CTDP1: variants seen among roughly 807,000 people sequenced by gnomAD.
CTDP1 encodes the protein RNA polymerase II subunit A C-terminal domain phosphatase.
CTDP1 carries 47 observed loss-of-function variants against 91.8 expected under a neutral mutation model. The ratio of observed to expected loss-of-function variants is 0.51; its 90% CI spans 0.41 to 0.65. The LOEUF (loss-of-function observed/expected upper bound fraction) is 0.65. CTDP1 is among the 30% of genes least tolerant of loss of function. The pLI is 0.00. For missense variants in CTDP1, 1,272 were observed against 1,373.7 expected, an observed-to-expected ratio of 0.93 and a Z score of 1.17; for synonymous variants, 656 against 598.5, an observed-to-expected ratio of 1.10 and a Z score of -1.40.
At chr18:79,697,772 T>G in intron 3 of CTDP1, 88 bp from the exon 4 acceptor site, 1 of 1,570,230 alleles carries the variant, frequency 6.4e-7, no homozygotes, top group Non-Finnish European at 8.7e-7. Context: ...AACACATTGA[T>G]ATAGTTTTGT....
intron 1 of CTDP1, among the ~76,000 whole-genome samples, chr18:79,686,122 GT>G (rs1310604640): frequency 6.6e-6 from 1 of 152,126 alleles, no homozygotes; most frequent in African/African-American, 2.4e-5. Context: ...TTTGTCATGG[GT>G]TTTTAGGTAT....
intron 12 of CTDP1, 126 bp from the exon 13 acceptor site, chr18:79,753,526 C>A: frequency 6.8e-7 from 1 of 1,480,690 alleles, no homozygotes; most frequent in Non-Finnish European, 9.3e-7. Flanking sequence ...TGTGTGTGTC[C>A]TTGACCAGAG....
intron 4 of CTDP1, among the ~76,000 whole-genome samples, chr18:79,700,613 T>G (rs1368243299): frequency 6.6e-6 from 1 of 152,198 alleles, no homozygotes; most frequent in African/African-American, 2.4e-5. Context: ...AGAAGCCGTC[T>G]CCGTAACACA....
chr18:79,702,002 T>C (rs981688404), intron 4 of CTDP1, among the ~76,000 whole-genome samples: 9 of 152,242 alleles, frequency 5.9e-5, no homozygotes, highest in African/African-American at 2.2e-4. Flanking sequence ...GAGAAGATGC[T>C]GCGAATGTTG....
chr18:79,681,667 G>C (rs1369477815), intron 1 of CTDP1: 1 of 170,440 alleles, frequency 5.9e-6, no homozygotes, highest in Non-Finnish European at 1.2e-5. Context: ...TTTACAGGGA[G>C]GTGCTGTTTG....
At chr18:79,741,964 C>G in intron 12 of CTDP1, among the ~76,000 whole-genome samples, 1 of 152,192 alleles carries the variant, frequency 6.6e-6, no homozygotes, top group East Asian at 1.9e-4. Flanking sequence ...ATCCCAGAAG[C>G]ACAACAAACT....
intron 1 of CTDP1, among the ~76,000 whole-genome samples, chr18:79,694,371 A>T (rs56116365): frequency 2.3e-5 from 2 of 85,176 alleles, no homozygotes; most frequent in Admixed American, 1.3e-4. Context: ...GCTCCTAGGG[A>T]CACTGAGTGC....
intron 8 of CTDP1, among the ~76,000 whole-genome samples, chr18:79,717,037 TA>T (rs2086224765): frequency 6.9e-6 from 1 of 144,260 alleles, no homozygotes; most frequent in African/African-American, 2.6e-5. Context: ...TACAGCTGGG[TA>T]AAGGCCCTGA....
chr18:79,710,276 G>T, intron 5 of CTDP1, 70 bp from the exon 6 acceptor site: 2 of 1,199,210 alleles, frequency 1.7e-6, no homozygotes, highest in South Asian at 1.2e-5. Context: ...AACATTCAAG[G>T]CTTCACCATG....
chr18:79,747,277 C>T (rs1428298208), intron 12 of CTDP1, among the ~76,000 whole-genome samples: 1 of 152,172 alleles, frequency 6.6e-6, no homozygotes, highest in Non-Finnish European at 1.5e-5. Context: ...GGGCCCCTGC[C>T]CCTCTTCCAC....
At chr18:79,705,855 C>T (rs2085957646) in intron 5 of CTDP1, among the ~76,000 whole-genome samples, 1 of 152,128 alleles carries the variant, frequency 6.6e-6, no homozygotes, top group South Asian at 2.1e-4. Flanking sequence ...CCTTTAATTC[C>T]TCTTGTAATT....
intron 1 of CTDP1, among the ~76,000 whole-genome samples, chr18:79,684,102 G>A (rs2085433841): frequency 6.6e-6 from 1 of 152,266 alleles, no homozygotes; most frequent in Admixed American, 6.5e-5. Flanking sequence ...CGTCGCTTGT[G>A]TGCCATCACC....
At chr18:79,723,483 GTTGTA>G (rs2086386675) in intron 10 of CTDP1, among the ~76,000 whole-genome samples, 1 of 152,234 alleles carries the variant, frequency 6.6e-6, no homozygotes. Flanking sequence ...GTCTTTGAAC[GTTGTA>G]CGTTTTTTCT....
intron 1 of CTDP1, among the ~76,000 whole-genome samples, chr18:79,691,546 G>A (rs1366356664): frequency 4.0e-4 from 34 of 85,260 alleles, no homozygotes; most frequent in South Asian, 1.7e-3. Context: ...TCGGGGTGGG[G>A]GAGGAGTGGA....
chr18:79,729,670 TC>T (rs781620989), intron 11 of CTDP1, among the ~76,000 whole-genome samples: 3 of 152,218 alleles, frequency 2.0e-5, no homozygotes, highest in Non-Finnish European at 4.4e-5. Context: ...CGTGTGCTTC[TC>T]CTCTTGGGTC....
At chr18:79,716,884 G>A (rs961726954) in intron 8 of CTDP1, among the ~76,000 whole-genome samples, 3 of 152,260 alleles carry the variant, frequency 2.0e-5, no homozygotes, top group East Asian at 3.8e-4. Flanking sequence ...CCGGCTCCCC[G>A]TCTGAGATCC....
chr18:79,737,522 C>T (rs1326845880), intron 12 of CTDP1, among the ~76,000 whole-genome samples: 1 of 152,174 alleles, frequency 6.6e-6, no homozygotes, highest in East Asian at 1.9e-4. Flanking sequence ...CTCTGGATCT[C>T]TGTGCTGCTG....
chr18:79,750,438 AAAT>A (rs2086972007), intron 12 of CTDP1, among the ~76,000 whole-genome samples: 1 of 152,044 alleles, frequency 6.6e-6, no homozygotes, highest in Non-Finnish European at 1.5e-5. Flanking sequence ...ACATAAAAAT[AAAT>A]TCGTTTAAAA....
At chr18:79,735,796 G>A (rs573354275) in intron 11 of CTDP1, 13 of 160,784 alleles carry the variant, frequency 8.1e-5, no homozygotes, top group Admixed American at 2.3e-4. Flanking sequence ...GCGTGGGGCC[G>A]GCTGAGCTCA....
Sources: allele counts gnomAD v4.1 joint callset (sites outside exome capture counted in the v4.1 genomes callset), GRCh38; gene constraint gnomAD v4.1.1; transcripts MANE v1.5; gene names NCBI Gene and HGNC (gene_info 2026-07-23, HGNC 2026-07-21).